Variants in MACROD2 observed in about 807,000 individuals in gnomAD.
MACROD2 encodes ADP-ribose glycohydrolase MACROD2.
MACROD2 carries 36 observed loss-of-function variants against 70.4 expected under a neutral mutation model. The observed-to-expected ratio is 0.51, with a 90% CI of 0.39 to 0.68. MACROD2 has a LOEUF of 0.68. Among genes scored for constraint, MACROD2 ranks in the 30% least tolerant of loss-of-function variants. The pLI is 0.00. For missense variants in MACROD2, 496 were observed against 538.4 expected, an observed-to-expected ratio of 0.92 and a Z score of 0.78; for synonymous variants, 172 against 178.8, an observed-to-expected ratio of 0.96 and a Z score of 0.30.
At chr20:14,725,817 T>C (rs968113405) in intron 5 of MACROD2, among the ~76,000 whole-genome samples, 13 of 152,134 alleles carry the variant, frequency 8.5e-5, no homozygotes, top group Non-Finnish European at 4.4e-5. Context: ...AGGGCTGCTC[T>C]CTGGTGAGTG....
intron 8 of MACROD2, among the ~76,000 whole-genome samples, chr20:15,666,443 CAA>C (rs2049899039): frequency 6.6e-6 from 1 of 152,088 alleles, no homozygotes; most frequent in Admixed American, 6.5e-5. Flanking sequence ...CTTTTCTAAA[CAA>C]AGACTCATTT....
At chr20:15,186,866 A>G (rs1210348744) in intron 5 of MACROD2, among the ~76,000 whole-genome samples, 4 of 152,228 alleles carry the variant, frequency 2.6e-5, no homozygotes, top group African/African-American at 7.2e-5. Context: ...CTTCAAAAGT[A>G]TGCTAGCTAT....
chr20:15,885,227 A>G (rs1321126200), intron 9 of MACROD2, among the ~76,000 whole-genome samples: 1 of 152,144 alleles, frequency 6.6e-6, no homozygotes, highest in Admixed American at 6.6e-5. Flanking sequence ...GATGGGAGCT[A>G]AATGGGAGTG....
intron 3 of MACROD2, among the ~76,000 whole-genome samples, chr20:14,279,407 A>G (rs919442978): frequency 6.6e-6 from 1 of 152,124 alleles, no homozygotes; most frequent in Non-Finnish European, 1.5e-5. Flanking sequence ...TGTGAATTGC[A>G]GTAAATTTCT....
chr20:15,639,854 G>A (rs1226335205), intron 8 of MACROD2, among the ~76,000 whole-genome samples: 1 of 151,960 alleles, frequency 6.6e-6, no homozygotes, highest in Non-Finnish European at 1.5e-5. Flanking sequence ...AAGGAGGAAG[G>A]GGAGAGGAAA....
At chr20:14,166,026 G>A (rs2055263788) in intron 3 of MACROD2, among the ~76,000 whole-genome samples, 1 of 152,168 alleles carries the variant, frequency 6.6e-6, no homozygotes, top group Admixed American at 6.5e-5. Context: ...AACACAGTAT[G>A]ATTTCTGGTT....
At chr20:15,292,376 G>A (rs2146109159) in intron 6 of MACROD2, among the ~76,000 whole-genome samples, 1 of 152,322 alleles carries the variant, frequency 6.6e-6, no homozygotes, top group Non-Finnish European at 1.5e-5. Context: ...CCAGTCTGGA[G>A]GAGGTATTTA....
intron 4 of MACROD2, among the ~76,000 whole-genome samples, chr20:14,663,519 T>TACACACACGCACAC (rs968944911): frequency 2.8e-5 from 4 of 141,468 alleles, no homozygotes; most frequent in African/African-American, 1.1e-4. Context: ...CAGGGATGTA[T>TACACACACGCACAC]ACACACACAC....
At chr20:14,539,676 T>C (rs1475467935) in intron 4 of MACROD2, among the ~76,000 whole-genome samples, 1 of 152,208 alleles carries the variant, frequency 6.6e-6, no homozygotes, top group Non-Finnish European at 1.5e-5. Flanking sequence ...AAAAGATGCA[T>C]TCAACGTATG....
At chr20:15,658,365 T>C (rs1196078052) in intron 8 of MACROD2, among the ~76,000 whole-genome samples, 1 of 152,162 alleles carries the variant, frequency 6.6e-6, no homozygotes, top group Non-Finnish European at 1.5e-5. Flanking sequence ...TTCTTGTCAG[T>C]CCTTCTCCTC....
intron 6 of MACROD2, among the ~76,000 whole-genome samples, chr20:15,343,334 G>A (rs1047079844): frequency 6.6e-6 from 1 of 152,184 alleles, no homozygotes; most frequent in Non-Finnish European, 1.5e-5. Context: ...TTCAAAGATG[G>A]TGTCACTCTG....
At chr20:14,973,888 T>C (rs967854796) in intron 5 of MACROD2, among the ~76,000 whole-genome samples, 1 of 152,132 alleles carries the variant, frequency 6.6e-6, no homozygotes, top group Non-Finnish European at 1.5e-5. Flanking sequence ...GTTACTACCT[T>C]ATGAAAGGTA....
At chr20:14,810,748 T>C (rs994682842) in intron 5 of MACROD2, among the ~76,000 whole-genome samples, 1 of 152,044 alleles carries the variant, frequency 6.6e-6, no homozygotes, top group South Asian at 2.1e-4. Context: ...AGTCTCAGGA[T>C]ACAAAATCAA....
At chr20:15,247,863 A>G (rs1469482703) in intron 6 of MACROD2, among the ~76,000 whole-genome samples, 2 of 151,994 alleles carry the variant, frequency 1.3e-5, no homozygotes, top group Non-Finnish European at 2.9e-5. Flanking sequence ...AGGCCTGGCT[A>G]ATTTTTGTAT....
intron 5 of MACROD2, among the ~76,000 whole-genome samples, chr20:14,968,231 C>G (rs1446637771): frequency 6.6e-6 from 1 of 152,102 alleles, no homozygotes; most frequent in Non-Finnish European, 1.5e-5. Context: ...CTTTTTAACA[C>G]CTTGACCCAA....
intron 5 of MACROD2, among the ~76,000 whole-genome samples, chr20:15,016,817 A>AG (rs2075125265): frequency 2.0e-5 from 3 of 152,210 alleles, no homozygotes. Flanking sequence ...GAAATCCCTG[A>AG]TAAACCCATC....
At chr20:14,201,881 A>G (rs1259513803) in intron 3 of MACROD2, among the ~76,000 whole-genome samples, 1 of 151,952 alleles carries the variant, frequency 6.6e-6, no homozygotes, top group African/African-American at 2.4e-5. Flanking sequence ...AAATATTAAA[A>G]TCTAAAAGTG....
At chr20:14,192,111 T>A (rs1461109925) in intron 3 of MACROD2, among the ~76,000 whole-genome samples, 1 of 152,212 alleles carries the variant, frequency 6.6e-6, no homozygotes, top group Non-Finnish European at 1.5e-5. Flanking sequence ...CTATAAATGT[T>A]AGTGCCTTCA....
chr20:14,253,484 A>G (rs2082028237), intron 3 of MACROD2, among the ~76,000 whole-genome samples: 1 of 152,058 alleles, frequency 6.6e-6, no homozygotes, highest in Admixed American at 6.6e-5. Flanking sequence ...CCCCAAATAT[A>G]CTAATTTCTC....
Sources: allele counts gnomAD v4.1 joint callset (sites outside exome capture counted in the v4.1 genomes callset), GRCh38; gene constraint gnomAD v4.1.1; transcripts MANE v1.5; gene names NCBI Gene and HGNC (gene_info 2026-07-23, HGNC 2026-07-21).